CASQ2: variants seen among roughly 807,000 people sequenced by gnomAD.
The protein encoded by CASQ2 is calsequestrin 2, also known as calsequestrin-2.
In CASQ2, 49 loss-of-function variants were observed where a neutral mutation model predicts 46.5. The observed-to-expected ratio is 1.05, with a 90% CI of 0.84 to 1.34. CASQ2 has a LOEUF of 1.34. CASQ2 is among the 40% of genes most tolerant of loss of function. CASQ2 has a pLI of 0.00. For missense variants in CASQ2, 486 were observed against 481.3 expected (o/e 1.01, Z -0.09); for synonymous variants, 174 against 168.5 (o/e 1.03, Z -0.25).
chr1:115,766,583 G>A (rs1180497854), intron 1 of CASQ2, among the ~76,000 whole-genome samples: 1 of 152,126 alleles, frequency 6.6e-6, no homozygotes, highest in African/African-American at 2.4e-5. Flanking sequence ...TGTGTCCTGT[G>A]CCTAGTAGAG....
chr1:115,702,378 A>G (rs1255215029), intron 10 of CASQ2, among the ~76,000 whole-genome samples: 22 of 152,128 alleles, frequency 1.4e-4, no homozygotes, highest in Admixed American at 1.4e-3. Context: ...GAGATCTAAG[A>G]TTTCCTCGCA....
chr1:115,731,801 G>T (rs934070171), intron 5 of CASQ2, among the ~76,000 whole-genome samples: 2 of 152,192 alleles, frequency 1.3e-5, no homozygotes, highest in South Asian at 4.1e-4. Context: ...TTATGGGAGT[G>T]TTGAAAGGAT....
intron 3 of CASQ2, among the ~76,000 whole-genome samples, chr1:115,739,336 C>T (rs961451916): frequency 2.0e-5 from 3 of 151,552 alleles, no homozygotes; most frequent in Non-Finnish European, 4.4e-5. Context: ...AGGATGGTCT[C>T]GATCTCCTGA....
At chr1:115,762,816 G>C (rs530005223) in intron 1 of CASQ2, among the ~76,000 whole-genome samples, 1 of 152,302 alleles carries the variant, frequency 6.6e-6, no homozygotes, top group African/African-American at 2.4e-5. Flanking sequence ...TTAGGGACAG[G>C]ATCTGTGTCA....
At chr1:115,738,069 A>G (rs1187021577) in intron 4 of CASQ2, among the ~76,000 whole-genome samples, 155 bp downstream of exon 4, 1 of 152,190 alleles carries the variant, frequency 6.6e-6, no homozygotes, top group African/African-American at 2.4e-5. Flanking sequence ...ATTTTTGCAC[A>G]TGTACTCCAC....
At chr1:115,706,392 G>C (rs1238230525) in intron 8 of CASQ2, among the ~76,000 whole-genome samples, 2 of 152,250 alleles carry the variant, frequency 1.3e-5, no homozygotes, top group Non-Finnish European at 2.9e-5. Flanking sequence ...GGGCAGAAAA[G>C]CCTGTCAGAA....
chr1:115,751,982 T>G (rs185926516), intron 1 of CASQ2, among the ~76,000 whole-genome samples: 109 of 152,332 alleles, frequency 7.2e-4, no homozygotes, highest in African/African-American at 2.4e-3. Flanking sequence ...TTGCACAGGA[T>G]CACCTCCTTC....
chr1:115,726,406 T>C (rs6669365), intron 6 of CASQ2, among the ~76,000 whole-genome samples: 78,761 of 152,086 alleles, frequency 0.52, 20,928 homozygotes, highest in East Asian at 0.65. Context: ...CAGCCGCAGT[T>C]AAGTAGTTGC....
At chr1:115,765,803 T>G (rs1306081256) in intron 1 of CASQ2, among the ~76,000 whole-genome samples, 1 of 152,130 alleles carries the variant, frequency 6.6e-6, no homozygotes, top group Non-Finnish European at 1.5e-5. Context: ...CACTGCCTGT[T>G]GGATGGACAC....
intron 2 of CASQ2, among the ~76,000 whole-genome samples, chr1:115,742,651 T>C (rs1195566234): frequency 6.6e-6 from 1 of 152,190 alleles, no homozygotes; most frequent in Non-Finnish European, 1.5e-5. Flanking sequence ...GGGACACTAG[T>C]ATTTTTCTCT....
Position 115,702,936 on chromosome 1 carries a change from C to T in CASQ2, c.999G>A (p.Val333=). Residue 333 remains valine (V), a synonymous_variant, in exon 10 of 11, where the codon GTG becomes GTA. Transcript: ENST00000261448. ...KIDLFRPQIG[V]VNVTDADSVW... ...GGATACTCACATCTGTGACATTCAC[C>T]ACCCCAATCTGTGGCCTGAATAGGT... 2 of 1,613,404 alleles carry T rather than the reference C, an allele frequency of 1.2e-6. No individual in the cohort carries two copies. The highest frequency in any genetic ancestry group is 1.1e-5 in the South Asian group (1 of 90,928).
chr1:115,756,253 A>C (rs1648756561), intron 1 of CASQ2, among the ~76,000 whole-genome samples: 1 of 152,192 alleles, frequency 6.6e-6, no homozygotes, highest in African/African-American at 2.4e-5. Context: ...TGCCTAGCCC[A>C]TCACATTGCA....
intron 5 of CASQ2, among the ~76,000 whole-genome samples, 156 bp from the exon 6 acceptor site, chr1:115,727,278 C>T (rs1647628725): frequency 6.6e-6 from 1 of 152,058 alleles, no homozygotes; most frequent in African/African-American, 2.4e-5. Context: ...AACTTATCAC[C>T]CAAGGCCTGG....
At chr1:115,702,016 G>A (rs374151502) in intron 10 of CASQ2, among the ~76,000 whole-genome samples, 2 of 151,764 alleles carry the variant, frequency 1.3e-5, no homozygotes, top group African/African-American at 4.8e-5. Flanking sequence ...TCCGCCTCCT[G>A]GGTTCAAGCG....
intron 7 of CASQ2, among the ~76,000 whole-genome samples, chr1:115,718,756 C>T (rs747512551): frequency 1.4e-4 from 22 of 152,210 alleles, no homozygotes; most frequent in South Asian, 4.1e-4. Context: ...GCAAACAAGG[C>T]GCATTTCATG....
chr1:115,725,528 C>A lies in CASQ2; in HGVS notation c.763G>T (p.Glu255Ter), dbSNP rs1647550534. Residue 255 changes from glutamate (E) to a stop codon, truncating the protein, a stop_gained, in exon 7 of 11, where the codon GAA becomes TAA. Transcript: ENST00000261448. LOFTEE classifies it high-confidence loss of function. ...QRPTLRRLRPEEMFETWEDDL... is the reference protein window; with the variant it reads ...QRPTLRRLRP ...CTTACCCATGTTTCAAACATTTCTT[C>A]TGGGCGCAGGCGACGTAGAGTGGGT... 6.6e-7 allele frequency: 1 copy of A among 1,511,760 alleles called. No individual in the cohort carries two copies. The highest frequency in any genetic ancestry group is 9.1e-7 in the Non-Finnish European group (1 of 1,103,778). The allele number at this position is 1,511,760 out of a possible 1,614,324, so 93.6% of individuals were successfully genotyped here.
chr1:115,760,581 C>T (rs1255898836), intron 1 of CASQ2, among the ~76,000 whole-genome samples: 9 of 152,270 alleles, frequency 5.9e-5, no homozygotes, highest in East Asian at 5.8e-4. Flanking sequence ...ACATTTTAAG[C>T]GTCAGGTTTC....
chr1:115,743,257 A>G (rs1648259054), intron 2 of CASQ2, among the ~76,000 whole-genome samples: 1 of 149,206 alleles, frequency 6.7e-6, no homozygotes, highest in African/African-American at 2.5e-5. Context: ...TTATTTTGAG[A>G]CAGAATCTCA....
Position 115,768,398 on chromosome 1 carries a change from T to G in CASQ2, c.144A>C (p.Lys48Asn), listed in dbSNP as rs777384250. The G allele has an allele frequency of 3.1e-6, 5 of 1,614,090 alleles. No individual in the cohort carries two copies. Among genetic ancestry groups the G allele is most frequent in the Non-Finnish European group, 4.2e-6 (5 of 1,179,934 alleles). Reference sequence around the variant, plus strand: ...GGTAGTAGAGGCAAAGCAAGTCATATTTCTTTAAAACCTGCTTGAAGTTCT... The same window carrying G: ...GGTAGTAGAGGCAAAGCAAGTCATAGTTCTTTAAAACCTGCTTGAAGTTCT... ...SEKNFKQVLKKYDLLCLYYHE... is the reference protein window; with the variant it reads ...SEKNFKQVLKNYDLLCLYYHE... Residue 48 changes from lysine (K) to asparagine (N), a missense_variant, in exon 1 of 11, where the codon AAA (lysine) becomes AAC (asparagine). Transcript: ENST00000261448.
Sources: gnomAD v4.1 joint callset for allele counts (sites outside exome capture counted in the v4.1 genomes callset) on GRCh38, gnomAD v4.1.1 for gene constraint, MANE v1.5 for transcripts, NCBI Gene and HGNC (gene_info 2026-07-23, HGNC 2026-07-21) for gene names.